SF3B1: variants seen among roughly 807,000 people sequenced by gnomAD.
SF3B1 encodes the protein pre-mRNA processing 10.
SF3B1 carries 12 observed loss-of-function variants against 153.8 expected under a neutral mutation model. That is an observed-to-expected ratio of 0.08 (90% confidence interval 0.05 to 0.13). The LOEUF (loss-of-function observed/expected upper bound fraction) is 0.13. Ranked by LOEUF, SF3B1 falls within the 10% of genes least tolerant of loss-of-function variation. SF3B1 has a pLI of 1.00. For missense variants in SF3B1, 513 were observed against 1,606.1 expected (o/e 0.32, Z 11.63); for synonymous variants, 498 against 525.2 (o/e 0.95, Z 0.71).
At position 197,421,146 on chromosome 2, in the gene SF3B1, C is replaced by T; in HGVS notation, c.196-13G>A. 1 of 1,556,152 alleles carries T rather than the reference C, an allele frequency of 6.4e-7. No individual in the cohort carries two copies. Among genetic ancestry groups the T allele is most frequent in the South Asian group, 1.1e-5 (1 of 88,136 alleles). ...AGTCATCGTCATCCTGCAATGAAAA[C>T]CCCCCAAAAAGCCATAAACAAAATG... is the stretch of plus-strand genomic sequence containing the variant. On this transcript the variant is annotated splice_polypyrimidine_tract_variant and intron_variant, in intron 2 of 24. Coordinates refer to ENST00000335508, the MANE Select transcript of SF3B1 (RefSeq NM_012433.4).
chr2:197,418,262 A>AAAAAAAAAAAAAAAAAAAAC (rs2085185843), intron 5 of SF3B1, among the ~76,000 whole-genome samples: 1 of 142,488 alleles, frequency 7.0e-6, no homozygotes, highest in Non-Finnish European at 1.5e-5. Context: ...AAAAAAAAAA[A>AAAAAAAAAAAAAAAAAAAAC]AATCCCTTGT....
At position 197,422,708 on chromosome 2, in the gene SF3B1, G is replaced by A. The variant is rs530200598; in HGVS notation, c.195+1100C>T. On this transcript the variant is annotated intron_variant, in intron 2 of 24. Transcript: ENST00000335508. Reference sequence around the variant, plus strand: ...GATCGAGACCATCCTGGCTAACACGGTGAAACCCCGTCTCTACTAAAAATA... The same window carrying A: ...GATCGAGACCATCCTGGCTAACACGATGAAACCCCGTCTCTACTAAAAATA... Among the ~76,000 whole-genome samples the A allele has an allele frequency of 2.4e-4, 37 of 151,878 alleles. No individual in the cohort carries two copies. In the South Asian group the frequency reaches 7.3e-3, roughly 30 times the overall value.
At chr2:197,417,257 A>G (rs2085161712) in intron 5 of SF3B1, among the ~76,000 whole-genome samples, 1 of 152,228 alleles carries the variant, frequency 6.6e-6, no homozygotes, top group African/African-American at 2.4e-5. Context: ...AGCAATTAAG[A>G]CTATGGAACA....
chr2:197,425,206 C>T (rs558283698), intron 1 of SF3B1, among the ~76,000 whole-genome samples: 2 of 152,322 alleles, frequency 1.3e-5, no homozygotes, highest in South Asian at 4.1e-4. Flanking sequence ...TGGCTCACAC[C>T]TGCAATCCCA....
rs184112547 is a variant in SF3B1 at position 197,420,117 on chromosome 2, C to G, written c.415+311G>C. 11 of 303,732 alleles carry G rather than the reference C, an allele frequency of 3.6e-5. No individual in the cohort carries two copies. In the Admixed American group the frequency reaches 4.5e-4, roughly 12 times the overall value. 18.8% of individuals were successfully genotyped at this position (303,732 alleles called of 1,614,324 possible). ...TTCAATAATTTGAAAGTATTTTGAG[C>G]AGAAAAATACATTTGATCCAAGTAT... On this transcript the variant is annotated intron_variant, in intron 4 of 24. Transcript: ENST00000335508.
In SF3B1 at chr2:197,421,040, A is replaced by G; in HGVS notation, c.289T>C (p.Ser97Pro). Residue 97 changes from serine (S) to proline (P), a missense_variant, in exon 3 of 25, where the codon TCA becomes CCA. Ser to Pro is a moderately conservative substitution (Grantham distance 74, BLOSUM62 -1). This residue lies in a region of SF3B1 where 56 missense variants were observed against 75.6 expected (regional missense o/e 0.74). Transcript: ENST00000335508. The part of the protein sequence containing the change: ...PVALLNDIPQ[S>P]TEQYDPFAEH... ...AAATGAAAGATCACCTGTTCTGTTG[A>G]CTGTGGTATATCATTAAGCAATGCC... is the stretch of plus-strand genomic sequence containing the variant. 6.3e-7 allele frequency: 1 copy of G among 1,599,324 alleles called. No individual in the cohort carries two copies. The highest frequency in any genetic ancestry group is 8.6e-7 in the Non-Finnish European group (1 of 1,168,626).
In SF3B1 at chr2:197,400,487, G is replaced by C; in HGVS notation, c.2719-53C>G. Reference sequence around the variant, plus strand: ...TATTCATTTGGTTTATGACTGCACAGTTGAAATACACTAAGAGTCAACCTT... The same window carrying C: ...TATTCATTTGGTTTATGACTGCACACTTGAAATACACTAAGAGTCAACCTT... On this transcript the variant is annotated intron_variant, in intron 18 of 24. Transcript: ENST00000335508. This position sits in a 1 kb window ranked among gnomAD's most constrained non-coding sequence, Gnocchi z 5.0. 7.0e-7 allele frequency: 1 copy of C among 1,437,440 alleles called. No individual in the cohort carries two copies. The highest frequency in any genetic ancestry group is 1.3e-5 in the South Asian group (1 of 75,932). The allele number at this position is 1,437,440 out of a possible 1,614,324, so 89.0% of individuals were successfully genotyped here. A position where few individuals can be genotyped will look rare whatever the true frequency, so the allele number is the denominator to read the frequency against.
rs2084795365 is a variant in SF3B1, at chr2:197,390,220, AAC to A, written c.*2081_*2082del. On this transcript the variant is annotated 3_prime_UTR_variant, in exon 25 of 25. Transcript: ENST00000335508. ...CAGTAAAAAAAGTTAATTAAGGTGT[AAC>A]AGTCTCCTTTGCTCCACAATGCCAC... 6.6e-6 allele frequency: 1 copy of A among 152,194 alleles called. No individual in the cohort carries two copies. The highest frequency in any genetic ancestry group is 1.5e-5 in the Non-Finnish European group (1 of 68,032). The allele number at this position is 152,194 out of a possible 1,614,324, so 9.4% of individuals were successfully genotyped here.
chr2:197,414,262 T>C (rs2085114185), intron 6 of SF3B1, among the ~76,000 whole-genome samples: 1 of 152,194 alleles, frequency 6.6e-6, no homozygotes, highest in Non-Finnish European at 1.5e-5. Flanking sequence ...GCTGAACAAA[T>C]ACGCAAGTCT....
chr2:197,428,945 C>T (rs1231803592), intron 1 of SF3B1, among the ~76,000 whole-genome samples: 1 of 151,340 alleles, frequency 6.6e-6, no homozygotes, highest in African/African-American at 2.4e-5. Flanking sequence ...CACTCCAGCC[C>T]GGACGACACA....
intron 2 of SF3B1, among the ~76,000 whole-genome samples, chr2:197,421,774 T>TC (rs1278911627): frequency 6.6e-6 from 1 of 152,002 alleles, no homozygotes; most frequent in Non-Finnish European, 1.5e-5. Context: ...GCCCAGGAGT[T>TC]CAAGACCAGC....
At chr2:197,395,116 T>C (rs1211028118) in intron 23 of SF3B1, among the ~76,000 whole-genome samples, 2 of 152,252 alleles carry the variant, frequency 1.3e-5, no homozygotes, top group Non-Finnish European at 2.9e-5. Flanking sequence ...ATGGAATTAC[T>C]CCCTTAACTT....
At chr2:197,397,065 T>C (rs1341795454) in intron 22 of SF3B1, among the ~76,000 whole-genome samples, 2 of 152,232 alleles carry the variant, frequency 1.3e-5, no homozygotes, top group Non-Finnish European at 2.9e-5. Context: ...ACAATGACTG[T>C]TTTTTCCTAT....
chr2:197,423,931 AGCT>A lies in SF3B1; in HGVS notation c.69_71del (p.Ala24del). The A allele has an allele frequency of 6.2e-7, 1 of 1,611,584 alleles. No individual in the cohort carries two copies. The highest frequency in any genetic ancestry group is 8.5e-7 in the Non-Finnish European group (1 of 1,179,430). On this transcript the variant is annotated inframe_deletion, in exon 2 of 25. Coordinates refer to ENST00000335508, the MANE Select transcript of SF3B1 (RefSeq NM_012433.4). ...GGCCCACTCCTTGAGCTTCATCAAG[AGCT>A]GCCTTCTTGCCTTGAATTTCTCGAA...
At chr2:197,408,716 T>C (rs1325612366) in intron 7 of SF3B1, 135 bp from the exon 8 acceptor site, 2 of 662,114 alleles carry the variant, frequency 3.0e-6, no homozygotes, top group Non-Finnish European at 5.2e-6. Context: ...CATTTAAAGT[T>C]GTTTGAGACC....
chr2:197,434,335 G>C (rs1389460188), intron 1 of SF3B1, among the ~76,000 whole-genome samples: 1 of 152,150 alleles, frequency 6.6e-6, no homozygotes, highest in East Asian at 1.9e-4. Flanking sequence ...GGCCATTAAT[G>C]AAAGTAATTT....
At chr2:197,416,360 G>A (rs1441053159) in intron 6 of SF3B1, among the ~76,000 whole-genome samples, 1 of 152,094 alleles carries the variant, frequency 6.6e-6, no homozygotes, top group Non-Finnish European at 1.5e-5. Flanking sequence ...CTCAAAATCT[G>A]TATGTTGAAG....
chr2:197,398,400 A>T lies in SF3B1; in HGVS notation c.3134+61T>A, dbSNP rs1455972692. ...ATTAAGGAAATTTTGCTAATTGAATACAAAGTGGCCAAATTTGAAAATTGA... is the reference window on the plus strand; with the variant it reads ...ATTAAGGAAATTTTGCTAATTGAATTCAAAGTGGCCAAATTTGAAAATTGA... On this transcript the variant is annotated intron_variant, in intron 21 of 24. Coordinates refer to ENST00000335508, the MANE Select transcript of SF3B1 (RefSeq NM_012433.4). 1.3e-5 allele frequency: 21 copies of T among 1,589,668 alleles called. 1 individual carries two copies. Among genetic ancestry groups the T allele is most frequent in the Middle Eastern group, 1.7e-4 (1 of 6,024 alleles).
intron 12 of SF3B1, 107 bp from the exon 13 acceptor site, chr2:197,403,142 T>C: frequency 1.2e-6 from 1 of 848,384 alleles, no homozygotes; most frequent in Non-Finnish European, 1.9e-6. Context: ...TCAGGACTTT[T>C]GTTAATCAAG....
Sources: gnomAD v4.1 joint callset for allele counts (sites outside exome capture counted in the v4.1 genomes callset) on GRCh38, gnomAD v4.1.1 for gene constraint, gnomAD v4.1.1 regional missense constraint, Gnocchi (gnomAD v3.1) non-coding constraint, MANE v1.5 for transcripts, NCBI Gene and HGNC (gene_info 2026-07-23, HGNC 2026-07-21) for gene names.